The following SSBP2 variants were observed in gnomAD, a reference collection of about 807,000 sequenced individuals.
SSBP2 encodes the protein single stranded DNA binding protein 2, also known as single-stranded DNA-binding protein 2.
Under a neutral mutation model 61.8 loss-of-function variants are expected in SSBP2, and 17 were observed. The ratio of observed to expected loss-of-function variants is 0.28; its 90% confidence interval spans 0.19 to 0.41. The LOEUF is 0.41. Among genes scored for constraint, SSBP2 ranks in the 10% least tolerant of loss-of-function variants. The pLI is 1.00. For missense variants in SSBP2, 310 were observed against 458.7 expected, an observed-to-expected ratio of 0.68 and a Z score of 2.96; for synonymous variants, 139 against 141.3, an observed-to-expected ratio of 0.98 and a Z score of 0.12.
intron 1 of SSBP2, among the ~76,000 whole-genome samples, chr5:81,719,348 A>C (rs936913049): frequency 6.6e-6 from 1 of 152,214 alleles, no homozygotes; most frequent in African/African-American, 2.4e-5. Context: ...GAAAAAGCAG[A>C]GGGCTGATGA....
intron 4 of SSBP2, among the ~76,000 whole-genome samples, chr5:81,534,669 G>C (rs1033533048): frequency 6.6e-5 from 10 of 151,888 alleles, no homozygotes; most frequent in Non-Finnish European, 1.5e-4. Flanking sequence ...GGAAAGTCAA[G>C]AGAAAAAAGA....
intron 5 of SSBP2, among the ~76,000 whole-genome samples, chr5:81,490,308 A>C (rs1427833003): frequency 6.6e-6 from 1 of 152,014 alleles, no homozygotes; most frequent in Non-Finnish European, 1.5e-5. Context: ...AGACTTAGGC[A>C]CCAAAATTTT....
intron 1 of SSBP2, among the ~76,000 whole-genome samples, chr5:81,741,435 G>A (rs1046889447): frequency 2.0e-5 from 3 of 152,088 alleles, no homozygotes; most frequent in Non-Finnish European, 2.9e-5. Context: ...TAATGTGAAC[G>A]TACTTAATGC....
chr5:81,615,362 C>T (rs1194851394), intron 4 of SSBP2, 111 bp downstream of exon 4: 2 of 812,074 alleles, frequency 2.5e-6, no homozygotes, highest in African/African-American at 1.7e-5. Flanking sequence ...AGAGACCAAA[C>T]AATTTCTTAA....
rs1207320510 is a variant in SSBP2 at position 81,416,007 on chromosome 5, G to C, written c.*4497C>G. On this transcript the variant is annotated 3_prime_UTR_variant, in exon 17 of 17. Coordinates refer to ENST00000320672, the MANE Select transcript of SSBP2 (RefSeq NM_012446.5). ...GGAGGCTGAGGCGGGCAGATCACTTGAGGTCAGGAGTTCCAGACCAGCCTG... is the reference window on the plus strand; with the variant it reads ...GGAGGCTGAGGCGGGCAGATCACTTCAGGTCAGGAGTTCCAGACCAGCCTG... 6.6e-6 allele frequency: 1 copy of C among 151,432 alleles called. No individual in the cohort carries two copies. Among genetic ancestry groups the C allele is most frequent in the Non-Finnish European group, 1.5e-5 (1 of 67,984 alleles). 9.4% of individuals were successfully genotyped at this position (151,432 alleles called of 1,614,324 possible).
chr5:81,542,164 A>C lies in SSBP2; in HGVS notation c.283-28447T>G, dbSNP rs141971701. Among the ~76,000 whole-genome samples, 18 of 152,342 alleles carry C rather than the reference A, an allele frequency of 1.2e-4. 1 individual carries two copies. The East Asian group carries it at 3.5e-3, about 29-fold the overall frequency. On this transcript the variant is annotated intron_variant, in intron 4 of 16. Transcript: ENST00000320672. ...AAGCGGCCAACAAACACATGAAAAA[A>C]TGCTCCGCATCACTAATAATCAGAG...
chr5:81,424,192 G>A lies in SSBP2; in HGVS notation c.1057-3659C>T, dbSNP rs189494432. Among the ~76,000 whole-genome samples, 13 of 152,250 alleles carry A rather than the reference G, an allele frequency of 8.5e-5. No homozygotes were observed. The East Asian group carries it at 1.4e-3, about 16-fold the overall frequency. ...TGTAATCTCAGCACTTTGGGAGGCC[G>A]AGGTGGGTGGATCCTGAGGTCAGGA... On this transcript the variant is annotated intron_variant, in intron 16 of 16. Coordinates refer to ENST00000320672, the MANE Select transcript of SSBP2 (RefSeq NM_012446.5).
At chr5:81,632,835 G>T (rs918343625) in intron 3 of SSBP2, among the ~76,000 whole-genome samples, 1 of 152,102 alleles carries the variant, frequency 6.6e-6, no homozygotes, top group Non-Finnish European at 1.5e-5. Flanking sequence ...CCATTTTAAA[G>T]AGTTGACTAT....
At chr5:81,473,911 C>T (rs1580774977) in intron 7 of SSBP2, 141 bp from the exon 8 acceptor site, 1 of 714,370 alleles carries the variant, frequency 1.4e-6, no homozygotes, top group East Asian at 2.7e-5. Flanking sequence ...GCTTCCAGAC[C>T]ACTTTTCCAC....
chr5:81,434,441 T>C (rs1034785056), intron 15 of SSBP2, among the ~76,000 whole-genome samples: 1 of 151,934 alleles, frequency 6.6e-6, no homozygotes, highest in Non-Finnish European at 1.5e-5. Flanking sequence ...ATGGATCACC[T>C]GAGGTCAGGA....
chr5:81,669,752 C>T (rs1019877504), intron 1 of SSBP2, among the ~76,000 whole-genome samples: 3 of 151,022 alleles, frequency 2.0e-5, no homozygotes, highest in African/African-American at 4.9e-5. Context: ...CAAACCTGCA[C>T]GTTCTGCACA....
chr5:81,740,467 T>C (rs1756940640), intron 1 of SSBP2, among the ~76,000 whole-genome samples: 1 of 152,174 alleles, frequency 6.6e-6, no homozygotes, highest in Non-Finnish European at 1.5e-5. Flanking sequence ...AGAAATTATT[T>C]CTATTTTTTC....
At chr5:81,425,182 T>C (rs1761876844) in intron 16 of SSBP2, among the ~76,000 whole-genome samples, 1 of 152,234 alleles carries the variant, frequency 6.6e-6, no homozygotes, top group Non-Finnish European at 1.5e-5. Context: ...AATCCAGAGA[T>C]TTCCATGAAG....
chr5:81,689,953 G>A (rs954961787), intron 1 of SSBP2, among the ~76,000 whole-genome samples: 1 of 152,022 alleles, frequency 6.6e-6, no homozygotes, highest in African/African-American at 2.4e-5. Context: ...GTTTAAAAGT[G>A]GGGATGAAGT....
chr5:81,506,326 T>C (rs1768177070), intron 5 of SSBP2, among the ~76,000 whole-genome samples: 1 of 152,138 alleles, frequency 6.6e-6, no homozygotes, highest in African/African-American at 2.4e-5. Context: ...CCTAGGTGTA[T>C]TTAATTCTGA....
intron 4 of SSBP2, among the ~76,000 whole-genome samples, chr5:81,610,207 A>C (rs1745315003): frequency 6.6e-6 from 1 of 151,930 alleles, no homozygotes; most frequent in Non-Finnish European, 1.5e-5. Context: ...GACTGGGGGG[A>C]GAGGTGGCAT....
At chr5:81,520,923 C>T (rs1429140726) in intron 4 of SSBP2, among the ~76,000 whole-genome samples, 1 of 151,970 alleles carries the variant, frequency 6.6e-6, no homozygotes, top group Non-Finnish European at 1.5e-5. Context: ...CTTTCTTTTT[C>T]ATGTTTAGTA....
intron 1 of SSBP2, among the ~76,000 whole-genome samples, chr5:81,711,911 C>T (rs779367472): frequency 4.6e-5 from 7 of 151,496 alleles, no homozygotes; most frequent in Non-Finnish European, 7.4e-5. Context: ...AATAAGAGTC[C>T]CTATTTCATA....
At chr5:81,739,339 T>TTC (rs1261751005) in intron 1 of SSBP2, among the ~76,000 whole-genome samples, 1 of 152,146 alleles carries the variant, frequency 6.6e-6, no homozygotes, top group Non-Finnish European at 1.5e-5. Flanking sequence ...CTGTACATGA[T>TTC]TCTCTCTCTG....
Sources: gnomAD v4.1 joint callset for allele counts (sites outside exome capture counted in the v4.1 genomes callset) on GRCh38, gnomAD v4.1.1 for gene constraint, MANE v1.5 for transcripts, NCBI Gene and HGNC (gene_info 2026-07-23, HGNC 2026-07-21) for gene names.